CENPF: variants seen among roughly 807,000 people sequenced by gnomAD.
CENPF encodes the protein centromere protein F, also known as AH antigen.
CENPF carries 214 observed loss-of-function variants against 307.3 expected under a neutral mutation model. The observed-to-expected ratio is 0.70, with a 90% CI of 0.62 to 0.78. The LOEUF (loss-of-function observed/expected upper bound fraction) is 0.78. Ranked by LOEUF, CENPF falls within the 30% of genes least tolerant of loss-of-function variation. The pLI is 0.00. For missense variants in CENPF, 3,401 were observed against 3,483.9 expected, an observed-to-expected ratio of 0.98 and a Z score of 0.60; for synonymous variants, 1,259 against 1,270.6, an observed-to-expected ratio of 0.99 and a Z score of 0.19.
chr1:214,663,607 G>T lies in CENPF; in HGVS notation c.9158G>T (p.Arg3053Leu), dbSNP rs143976001. ...SRSQKVKVAQ[R>L]SPVDSGTILR... ...GTGTTGCAGGTCAAAGTTGCTCAGC[G>T]GAGCCCAGTAGATTCAGGCACCATC... Residue 3053 changes from arginine to leucine, a missense_variant, in exon 20 of 20, where the codon CGG becomes CTG. Coordinates refer to ENST00000366955, the MANE Select transcript of CENPF (RefSeq NM_016343.4). 2.5e-6 allele frequency: 4 copies of T among 1,614,060 alleles called. No individual in the cohort carries two copies. Among genetic ancestry groups the T allele is most frequent in the African/African-American group, 1.3e-5 (1 of 75,012 alleles).
intron 17 of CENPF, 149 bp downstream of exon 17, chr1:214,655,552 A>C: frequency 1.5e-6 from 1 of 684,470 alleles, no homozygotes. Context: ...CCAATTTCTG[A>C]ATTTTGTGCT....
chr1:214,607,522 A>G (rs1206260667), intron 1 of CENPF, among the ~76,000 whole-genome samples: 3 of 152,142 alleles, frequency 2.0e-5, no homozygotes, highest in African/African-American at 7.2e-5. Flanking sequence ...ACTGCCTGCA[A>G]TATCACCAAG....
intron 6 of CENPF, 72 bp from the exon 7 acceptor site, chr1:214,622,007 C>A (rs1432458965): frequency 1.7e-6 from 2 of 1,205,730 alleles, no homozygotes; most frequent in Non-Finnish European, 2.3e-6. Flanking sequence ...AAGAATAAAA[C>A]AAATGATAAG....
At chr1:214,620,238 G>C (rs1280177392) in intron 5 of CENPF, among the ~76,000 whole-genome samples, 1 of 152,164 alleles carries the variant, frequency 6.6e-6, no homozygotes, top group Non-Finnish European at 1.5e-5. Flanking sequence ...TGAGATTTTT[G>C]AAAGAGTTCT....
rs1658088481 is a variant in CENPF, at chr1:214,640,754, A to C, written c.2416A>C (p.Ser806Arg). The C allele has an allele frequency of 6.2e-7, 1 of 1,614,112 alleles. No individual in the cohort carries two copies. The highest frequency in any genetic ancestry group is 1.3e-5 in the African/African-American group (1 of 75,062). The change falls in exon 12 of 20, where the codon AGC (serine) becomes CGC (arginine). Residue 806 changes from serine to arginine, a missense_variant. Coordinates refer to ENST00000366955, the MANE Select transcript of CENPF (RefSeq NM_016343.4). ...TGCAAATATAATTGGAGAACAAGGA[A>C]GCATGCCTTCAGAGAGGAGTGAATG... ...SFANIIGEQGSMPSERSECRL... is the reference protein window; with the variant it reads ...SFANIIGEQGRMPSERSECRL...
At chr1:214,604,012 TA>T (rs1271296438) in intron 1 of CENPF, among the ~76,000 whole-genome samples, 5 of 152,196 alleles carry the variant, frequency 3.3e-5, no homozygotes, top group Admixed American at 6.5e-5. Context: ...CTCGGCTGTG[TA>T]ATGAGGACCC....
intron 1 of CENPF, chr1:214,606,150 C>G (rs1027974833): frequency 6.2e-6 from 9 of 1,440,958 alleles, no homozygotes; most frequent in Admixed American, 2.2e-5. Flanking sequence ...CGGGCGTCCC[C>G]GGGCCCAGCT....
rs1164072464 is a variant in CENPF, at chr1:214,640,633, T to A, written c.2295T>A (p.Asp765Glu). The change falls in exon 12 of 20, where the codon GAT becomes GAA. Residue 765 changes from aspartate to glutamate, a missense_variant. Asp to Glu is a conservative substitution (Grantham distance 45). Transcript: ENST00000366955. The stretch of plus-strand genomic sequence containing the variant: ...ATGCCGAATATGAGAGCCTCAGGGA[T>A]CTGCTAAAATCCAAAGATGCTTCTC... ...DLHAEYESLR[D>E]LLKSKDASLV... 5 of 1,614,052 alleles carry A rather than the reference T, an allele frequency of 3.1e-6. No homozygotes were observed. The Admixed American group carries it at 8.3e-5, about 27-fold the overall frequency.
chr1:214,618,622 GTC>G lies in CENPF; in HGVS notation c.415_416del (p.Leu139GlufsTer21), dbSNP rs750805165. On this transcript the variant is annotated frameshift_variant, in exon 4 of 20. Coordinates refer to ENST00000366955, the MANE Select transcript of CENPF (RefSeq NM_016343.4). LOFTEE classifies it high-confidence loss of function. ...RSQQAAQSAD[V>X]SLNPCNTPQK... ...CCAACAAGCTGCGCAGTCTGCAGATGTCTCTCTGAATCCATGCAATACACCAC... is the reference window on the plus strand; with the variant it reads ...CCAACAAGCTGCGCAGTCTGCAGATGTCTCTGAATCCATGCAATACACCAC... 1.1e-4 allele frequency: 182 copies of G among 1,613,968 alleles called. No individual in the cohort carries two copies. The highest frequency in any genetic ancestry group is 1.4e-4 in the Non-Finnish European group (170 of 1,180,010).
intron 19 of CENPF, among the ~76,000 whole-genome samples, chr1:214,662,024 A>C (rs957027673): frequency 5.9e-5 from 9 of 152,296 alleles, no homozygotes; most frequent in Non-Finnish European, 1.3e-4. Flanking sequence ...AATTCTGATC[A>C]CAACTAAAGT....
At position 214,644,748 on chromosome 1, in the gene CENPF, C is replaced by T. The variant is rs764848007; in HGVS notation, c.5178C>T (p.Ser1726=). ...CAGGAGAGTGCTCTGGGGAACAGTC[C>T]CCAGATACCAATTATGAGCCTCCAG... ...KPTGECSGEQ[S]PDTNYEPPGE... The change falls in exon 13 of 20, where the codon TCC becomes TCT. Residue 1726 remains serine, a synonymous_variant. Coordinates refer to ENST00000366955, the MANE Select transcript of CENPF (RefSeq NM_016343.4). 3.7e-6 allele frequency: 6 copies of T among 1,613,708 alleles called. No individual in the cohort carries two copies. The highest frequency in any genetic ancestry group is 4.2e-6 in the Non-Finnish European group (5 of 1,179,918).
intron 1 of CENPF, chr1:214,613,066 C>A: frequency 2.9e-6 from 1 of 343,108 alleles, no homozygotes; most frequent in East Asian, 7.6e-5. Context: ...TACATGAATT[C>A]TGCCATTTTG....
rs1657122037 is a variant in CENPF at position 214,608,968 on chromosome 1, G to A, written c.-41-4746G>A. On this transcript the variant is annotated intron_variant, in intron 1 of 19. Coordinates refer to ENST00000366955, the MANE Select transcript of CENPF (RefSeq NM_016343.4). ...GGGGGGAGGGCGCCCCCCCAGCTACGGCCCCAGACGGCAGCCCCGTTAGGA... is the reference window on the plus strand; with the variant it reads ...GGGGGGAGGGCGCCCCCCCAGCTACAGCCCCAGACGGCAGCCCCGTTAGGA... The A allele has an allele frequency of 1.0e-5, 9 of 863,606 alleles. No individual in the cohort carries two copies. The South Asian group carries it at 1.4e-4, about 14-fold the overall frequency. 53.5% of individuals were successfully genotyped at this position (863,606 alleles called of 1,614,324 possible).
At position 214,642,464 on chromosome 1, in the gene CENPF, C is replaced by T. The variant is rs1658151842; in HGVS notation, c.4126C>T (p.Gln1376Ter). Residue 1376 changes from glutamine (Q) to a stop codon, truncating the protein, a stop_gained, in exon 12 of 20, where the codon CAG becomes TAG. Coordinates refer to ENST00000366955, the MANE Select transcript of CENPF (RefSeq NM_016343.4). LOFTEE classifies it high-confidence loss of function. Reference sequence around the variant, plus strand: ...TGAATTTGGTGAACAACCAAATGAACAGCACCCTGTGTCTTTGGCTCCATT... The same window carrying T: ...TGAATTTGGTGAACAACCAAATGAATAGCACCCTGTGTCTTTGGCTCCATT... ...GGEFGEQPNE[Q>*]HPVSLAPLDE... 1.9e-6 allele frequency: 3 copies of T among 1,602,732 alleles called. No individual in the cohort carries two copies. Among genetic ancestry groups the T allele is most frequent in the Non-Finnish European group, 2.6e-6 (3 of 1,174,562 alleles).
rs1558183490 is a variant in CENPF, at chr1:214,642,072, T to C, written c.3734T>C (p.Leu1245Pro). 2 of 1,611,020 alleles carry C rather than the reference T, an allele frequency of 1.2e-6. No individual in the cohort carries two copies. Among genetic ancestry groups the C allele is most frequent in the African/African-American group, 1.3e-5 (1 of 74,770 alleles). ...QHELQTIRGDLETSNLQDMQS... is the reference protein window; with the variant it reads ...QHELQTIRGDPETSNLQDMQS... ...GAATTACAGACAATTAGAGGAGATC[T>C]TGAAACCAGCAATTTGCAAGACATG... is the stretch of plus-strand genomic sequence containing the variant. The change falls in exon 12 of 20, where the codon CTT becomes CCT. Residue 1245 changes from leucine (L) to proline (P), a missense_variant. Transcript: ENST00000366955.
intron 16 of CENPF, chr1:214,653,837 A>C (rs1658556213): frequency 6.6e-6 from 1 of 152,256 alleles, no homozygotes; most frequent in Admixed American, 6.5e-5. Flanking sequence ...CTGCTGCTAC[A>C]AAATGAGATG....
At chr1:214,636,487 A>G (rs1377579834) in intron 10 of CENPF, among the ~76,000 whole-genome samples, 2 of 152,182 alleles carry the variant, frequency 1.3e-5, no homozygotes, top group Admixed American at 1.3e-4. Context: ...GAGTATAATA[A>G]CTACAACAGG....
chr1:214,619,940 A>G (rs1442979907), intron 5 of CENPF, among the ~76,000 whole-genome samples: 1 of 152,200 alleles, frequency 6.6e-6, no homozygotes. Flanking sequence ...GTGCTTTGTC[A>G]TCCAGTTCAG....
intron 5 of CENPF, 81 bp from the exon 6 acceptor site, chr1:214,620,574 G>C (rs1039544598): frequency 5.0e-6 from 7 of 1,406,990 alleles, no homozygotes; most frequent in Non-Finnish European, 6.8e-6. Flanking sequence ...TTGGGATTAT[G>C]GCTTTATATT....
Sources: gnomAD v4.1 joint callset for allele counts (sites outside exome capture counted in the v4.1 genomes callset) on GRCh38, gnomAD v4.1.1 for gene constraint, MANE v1.5 for transcripts, NCBI Gene and HGNC (gene_info 2026-07-23, HGNC 2026-07-21) for gene names.